The following SLIT3 variants were observed in gnomAD, a reference collection of about 807,000 sequenced individuals.
The protein encoded by SLIT3 is slit guidance ligand 3.
Under a neutral mutation model 184.0 loss-of-function variants are expected in SLIT3, and 68 were observed. The ratio of observed to expected loss-of-function variants is 0.37; its 90% CI spans 0.30 to 0.45. The LOEUF (loss-of-function observed/expected upper bound fraction) is 0.45, where lower values mean the gene tolerates loss of function less well. SLIT3 is among the 20% of genes least tolerant of loss of function. The pLI is 1.00. For synonymous variants in SLIT3, 831 were observed against 828.6 expected, an observed-to-expected ratio of 1.00 and a Z score of -0.05; for missense variants, 1,707 against 2,026.0, an observed-to-expected ratio of 0.84 and a Z score of 3.02.
chr5:168,748,395 G>T lies in SLIT3; in HGVS notation c.2177C>A (p.Pro726Gln). The stretch of plus-strand genomic sequence containing the variant: ...TGTCTCCATACAGGTGCACTGCTCC[G>T]GGCAGCGCGGGCTCAGCTGGCAGCT... ...ESSCQLSPRC[P>Q]EQCTCMETVV... Residue 726 changes from proline (P) to glutamine (Q), a missense_variant, in exon 20 of 36, where the codon CCG becomes CAG. By Grantham distance (76) the Pro-to-Gln change is moderately conservative. Coordinates refer to ENST00000519560, the MANE Select transcript of SLIT3 (RefSeq NM_003062.4). The T allele has an allele frequency of 6.6e-7, 1 of 1,521,570 alleles. No homozygotes were observed. The highest frequency in any genetic ancestry group is 2.7e-5 in the East Asian group (1 of 37,488). The allele number at this position is 1,521,570 out of a possible 1,614,324, so 94.3% of individuals were successfully genotyped here. A position where few individuals can be genotyped will look rare whatever the true frequency, so the allele number is the denominator to read the frequency against.
chr5:168,940,953 G>C (rs758479337), intron 4 of SLIT3, among the ~76,000 whole-genome samples: 21 of 152,130 alleles, frequency 1.4e-4, no homozygotes, highest in Non-Finnish European at 2.4e-4. Context: ...TGTCATTCCT[G>C]AGTTATAGAA....
At chr5:168,741,092 C>A (rs1337944021) in intron 20 of SLIT3, among the ~76,000 whole-genome samples, 3 of 152,184 alleles carry the variant, frequency 2.0e-5, no homozygotes, top group Non-Finnish European at 2.9e-5. Flanking sequence ...ACTGTCAAGA[C>A]CTCCCTTCCT....
rs1761114801 is a variant in SLIT3, at chr5:168,907,926, TA to T, written c.414-24591del. Reference sequence around the variant, plus strand: ...TATATAGATCTATCTATATCTATTTTATATATATATTATACGTGTATATATA... The same window carrying T: ...TATATAGATCTATCTATATCTATTTTTATATATATTATACGTGTATATATA... On this transcript the variant is annotated intron_variant, in intron 4 of 35. Coordinates refer to ENST00000519560, the MANE Select transcript of SLIT3 (RefSeq NM_003062.4). Among the ~76,000 whole-genome samples, 86 of 84,974 alleles carry T rather than the reference TA, an allele frequency of 1.0e-3. 2 individuals carry two copies. The highest frequency in any genetic ancestry group is 1.7e-3 in the Admixed American group (13 of 7,862). The allele number at this position is 84,974 out of a possible 152,430, so 55.7% of individuals were successfully genotyped here. A position where few individuals can be genotyped will look rare whatever the true frequency, so the allele number is the denominator to read the frequency against.
At chr5:168,987,534 GGTT>G (rs1404304720) in intron 4 of SLIT3, among the ~76,000 whole-genome samples, 1 of 152,166 alleles carries the variant, frequency 6.6e-6, no homozygotes, top group Non-Finnish European at 1.5e-5. Flanking sequence ...TGCCTGTCAG[GGTT>G]GTTAAGCACA....
chr5:168,845,734 T>TA (rs1261293962), intron 5 of SLIT3, among the ~76,000 whole-genome samples: 1 of 152,064 alleles, frequency 6.6e-6, no homozygotes, highest in Non-Finnish European at 1.5e-5. Flanking sequence ...CTTTATTCCT[T>TA]AAAAAACCAT....
At chr5:168,897,140 GTACC>G (rs1438289217) in intron 4 of SLIT3, among the ~76,000 whole-genome samples, 1 of 6,666 alleles carries the variant, frequency 1.5e-4, no homozygotes, top group African/African-American at 1.7e-4. Flanking sequence ...TGACTACTAT[GTACC>G]CAGGGCGTTA....
chr5:169,291,377 G>A (rs1767358047), intron 1 of SLIT3, among the ~76,000 whole-genome samples: 1 of 152,180 alleles, frequency 6.6e-6, no homozygotes, highest in African/African-American at 2.4e-5. Flanking sequence ...AAAACAGTTA[G>A]TGGACACATA....
chr5:169,046,260 T>C (rs921022002), intron 4 of SLIT3, among the ~76,000 whole-genome samples: 1 of 152,162 alleles, frequency 6.6e-6, no homozygotes, highest in Non-Finnish European at 1.5e-5. Flanking sequence ...GAAACATCTG[T>C]ACAGCACATT....
intron 6 of SLIT3, among the ~76,000 whole-genome samples, chr5:168,831,188 T>C (rs1054932676): frequency 1.3e-5 from 2 of 152,084 alleles, no homozygotes; most frequent in Non-Finnish European, 2.9e-5. Flanking sequence ...AAGAATACCC[T>C]GTAGAATAGA....
chr5:169,008,544 T>C (rs903124277), intron 4 of SLIT3, among the ~76,000 whole-genome samples: 1 of 152,232 alleles, frequency 6.6e-6, no homozygotes, highest in Non-Finnish European at 1.5e-5. Flanking sequence ...TCCACCTTTC[T>C]ATTGAGAAAG....
chr5:169,300,520 C>T lies in SLIT3; in HGVS notation c.190G>A (p.Glu64Lys). 1 of 1,504,174 alleles carries T rather than the reference C, an allele frequency of 6.6e-7. No homozygotes were observed. The highest frequency in any genetic ancestry group is 1.4e-5 in the African/African-American group (1 of 69,734). The allele number at this position is 1,504,174 out of a possible 1,614,324, so 93.2% of individuals were successfully genotyped here. Residue 64 changes from glutamate to lysine, a missense_variant, in exon 1 of 36, where the codon GAG becomes AAG. This residue lies in a region of SLIT3 where 1,307 missense variants were observed against 1,511.6 expected (regional missense o/e 0.86). Coordinates refer to ENST00000519560, the MANE Select transcript of SLIT3 (RefSeq NM_003062.4). This position sits in a 1 kb window ranked among gnomAD's most constrained non-coding sequence, Gnocchi z 4.1. The stretch of plus-strand genomic sequence containing the variant: ...TGGGGCAGGGGTACTCACAGGCGCT[C>T]AGCGTTGCGGGGGATGCCCCGAGGA... ...AVPRGIPRNA[E>K]RLDLDRNNIT...
At chr5:168,672,217 A>G (rs1023159278) in intron 33 of SLIT3, among the ~76,000 whole-genome samples, 5 of 152,126 alleles carry the variant, frequency 3.3e-5, no homozygotes, top group Non-Finnish European at 7.4e-5. Flanking sequence ...GTCCTCCTCC[A>G]GGGATAAGTG....
chr5:168,762,764 T>G (rs1581053507), intron 14 of SLIT3, 75 bp from the exon 15 acceptor site: 1 of 1,494,354 alleles, frequency 6.7e-7, no homozygotes, highest in South Asian at 1.2e-5. Context: ...GTAGTGGGGG[T>G]GGGAGACAGA....
At position 168,711,095 on chromosome 5, in the gene SLIT3, A is replaced by T. The variant is rs142970003; in HGVS notation, c.2556-37T>A. The T allele has an allele frequency of 8.8e-4, 1,332 of 1,506,966 alleles. 5 individuals are homozygous for T. The African/African-American group carries it at 0.017, about 19-fold the overall frequency. 93.3% of individuals were successfully genotyped at this position (1,506,966 alleles called of 1,614,324 possible). A position where few individuals can be genotyped will look rare whatever the true frequency, so the allele number is the denominator to read the frequency against. ...AACAGGAAGTCAGGGCCCCCTGCCC[A>T]GCTTGGCCAGTAGCCTTCATATCCT... On this transcript the variant is annotated intron_variant, in intron 24 of 35. Coordinates refer to ENST00000519560, the MANE Select transcript of SLIT3 (RefSeq NM_003062.4).
intron 4 of SLIT3, among the ~76,000 whole-genome samples, chr5:169,007,195 G>A (rs553571585): frequency 1.3e-5 from 2 of 152,298 alleles, no homozygotes; most frequent in South Asian, 2.1e-4. Flanking sequence ...TGCTATGATT[G>A]TAAGTTTCCT....
chr5:168,917,503 T>C (rs774425411), intron 4 of SLIT3, among the ~76,000 whole-genome samples: 1 of 152,190 alleles, frequency 6.6e-6, no homozygotes, highest in Non-Finnish European at 1.5e-5. Flanking sequence ...TTCCAACCAG[T>C]ACTCCAAACA....
At chr5:169,208,168 G>T (rs942953095) in intron 3 of SLIT3, among the ~76,000 whole-genome samples, 16 of 152,200 alleles carry the variant, frequency 1.1e-4, no homozygotes, top group African/African-American at 3.4e-4. Context: ...TATAAATTAA[G>T]AAATTCATAT....
At chr5:169,088,671 G>T (rs906993635) in intron 4 of SLIT3, among the ~76,000 whole-genome samples, 1 of 152,036 alleles carries the variant, frequency 6.6e-6, no homozygotes, top group African/African-American at 2.4e-5. Flanking sequence ...ACCTGGCTGG[G>T]TATCCAAATC....
intron 3 of SLIT3, among the ~76,000 whole-genome samples, chr5:169,238,628 T>C (rs551574877): frequency 5.3e-5 from 8 of 151,846 alleles, no homozygotes; most frequent in Admixed American, 2.6e-4. Flanking sequence ...GCCTTGTATT[T>C]TCCAAGATTT....
Sources: allele counts gnomAD v4.1 joint callset (sites outside exome capture counted in the v4.1 genomes callset), GRCh38; gene constraint gnomAD v4.1.1; regional missense constraint gnomAD v4.1.1; non-coding constraint Gnocchi (gnomAD v3.1); transcripts MANE v1.5; gene names NCBI Gene and HGNC (gene_info 2026-07-23, HGNC 2026-07-21).